NRG1: variants seen among roughly 807,000 people sequenced by gnomAD.
NRG1 encodes the protein neuregulin 1.
A neutral mutation model predicts 63.8 loss-of-function variants in NRG1; 18 were observed. That is an observed-to-expected ratio of 0.28 (90% CI 0.19 to 0.42). The LOEUF is 0.42. Among genes scored for constraint, NRG1 ranks in the 10% least tolerant of loss-of-function variants. NRG1 has a pLI of 1.00. For missense variants in NRG1, 762 were observed against 814.7 expected (o/e 0.94, Z 0.79); for synonymous variants, 302 against 301.3 (o/e 1.00, Z -0.02).
At chr8:32,629,348 C>A (rs1341168704) in intron 5 of NRG1, among the ~76,000 whole-genome samples, 4 of 152,012 alleles carry the variant, frequency 2.6e-5, no homozygotes, top group African/African-American at 7.2e-5. Flanking sequence ...AGTTCCCACA[C>A]CAGAATGTAA....
At chr8:32,045,713 T>C (rs1003785596) in intron 1 of NRG1, among the ~76,000 whole-genome samples, 40 of 152,008 alleles carry the variant, frequency 2.6e-4, no homozygotes, top group African/African-American at 9.2e-4. Flanking sequence ...GCAGAAAGGG[T>C]AATGTTCTAA....
intron 1 of NRG1, among the ~76,000 whole-genome samples, chr8:31,791,421 A>G (rs1339159713): frequency 6.6e-6 from 1 of 152,108 alleles, no homozygotes; most frequent in Non-Finnish European, 1.5e-5. Context: ...TTAACACCAT[A>G]GGGAAATAGA....
At chr8:31,815,617 A>C (rs535129879) in intron 1 of NRG1, among the ~76,000 whole-genome samples, 1 of 152,168 alleles carries the variant, frequency 6.6e-6, no homozygotes, top group Non-Finnish European at 1.5e-5. Flanking sequence ...CCCGAAGTAG[A>C]TTGCTGCATC....
chr8:32,174,546 C>T (rs997692829), intron 1 of NRG1, among the ~76,000 whole-genome samples: 2 of 152,126 alleles, frequency 1.3e-5, no homozygotes, highest in Non-Finnish European at 2.9e-5. Context: ...AATCCAGGAG[C>T]TGGTTTTCTG....
chr8:32,620,723 G>A (rs187318825), intron 5 of NRG1, among the ~76,000 whole-genome samples: 18 of 152,088 alleles, frequency 1.2e-4, no homozygotes, highest in Admixed American at 1.2e-3. Flanking sequence ...TTGGGAGGCT[G>A]AGGTGGGAGG....
intron 1 of NRG1, among the ~76,000 whole-genome samples, chr8:32,538,006 C>T (rs1160941207): frequency 6.6e-6 from 1 of 152,110 alleles, no homozygotes; most frequent in East Asian, 1.9e-4. Flanking sequence ...CACGCGCCAC[C>T]ATGACCACCT....
At chr8:32,690,524 A>G (rs1811324040) in intron 5 of NRG1, among the ~76,000 whole-genome samples, 1 of 149,790 alleles carries the variant, frequency 6.7e-6, no homozygotes, top group East Asian at 2.0e-4. Flanking sequence ...TTCCCAGGGT[A>G]GTAGGTGGTA....
At chr8:31,978,512 T>C (rs1332497853) in intron 1 of NRG1, among the ~76,000 whole-genome samples, 2 of 152,130 alleles carry the variant, frequency 1.3e-5, no homozygotes, top group Non-Finnish European at 2.9e-5. Context: ...TTCATGTCTT[T>C]CTACTTTTAC....
chr8:31,788,660 A>T (rs16878286), intron 1 of NRG1, among the ~76,000 whole-genome samples: 23,792 of 152,214 alleles, frequency 0.16, 2,160 homozygotes, highest in East Asian at 0.2. Flanking sequence ...TTGTTGAGCA[A>T]TAAACAGTAT....
rs1487270945 is a variant in NRG1 at position 32,742,247 on chromosome 8, G to A, written c.633-428G>A. On this transcript the variant is annotated intron_variant, in intron 6 of 11. Coordinates refer to ENST00000356819, the Ensembl canonical transcript of NRG1. This position sits in a 1 kb window ranked among gnomAD's most constrained non-coding sequence, Gnocchi z 4.2. ...CCTTATTTAACTGTCTCTCAAAGTG[G>A]GTCCCTAAGTCATCAATTTACAAGA... 6.6e-6 allele frequency among the ~76,000 whole-genome samples: 1 copy of A among 151,906 alleles called. No individual in the cohort carries two copies. The highest frequency in any genetic ancestry group is 2.4e-5 in the African/African-American group (1 of 41,330).
intron 1 of NRG1, among the ~76,000 whole-genome samples, chr8:32,089,693 A>G (rs1828812338): frequency 6.6e-6 from 1 of 152,214 alleles, no homozygotes; most frequent in South Asian, 2.1e-4. Flanking sequence ...GAGTATCAGC[A>G]GCAAAGTGAC....
chr8:32,735,433 AC>A (rs1824770113), intron 6 of NRG1, among the ~76,000 whole-genome samples: 5 of 152,216 alleles, frequency 3.3e-5, no homozygotes, highest in Admixed American at 3.3e-4. Flanking sequence ...GAAAACGAAT[AC>A]ACAATTTTGA....
intron 1 of NRG1, among the ~76,000 whole-genome samples, chr8:31,778,373 A>G (rs1819358011): frequency 6.6e-6 from 1 of 152,108 alleles, no homozygotes; most frequent in South Asian, 2.1e-4. Flanking sequence ...CATTCCTTAT[A>G]TATACCAGGC....
intron 5 of NRG1, chr8:32,647,965 C>T: frequency 6.2e-7 from 1 of 1,614,200 alleles, no homozygotes; most frequent in Non-Finnish European, 8.5e-7. Flanking sequence ...CCCATCCTGG[C>T]TTGCCTGGTC....
rs573318520 is a variant in NRG1 at position 32,214,734 on chromosome 8, G to T, written c.38-381094G>T. The stretch of plus-strand genomic sequence containing the variant: ...ATCAGAAAATGAGTGGTTGATCTTA[G>T]TTCAATTAAAGAAAACAAAACAAAC... On this transcript the variant is annotated intron_variant, in intron 1 of 10. Coordinates refer to the NRG1 transcript ENST00000519301. Among the ~76,000 whole-genome samples, 3 of 152,232 alleles carry T rather than the reference G, an allele frequency of 2.0e-5. No individual in the cohort carries two copies. The East Asian group carries it at 5.8e-4, about 29-fold the overall frequency.
At chr8:32,102,223 G>A (rs13279784) in intron 1 of NRG1, among the ~76,000 whole-genome samples, 34,044 of 151,982 alleles carry the variant, frequency 0.22, 4,502 homozygotes, top group East Asian at 0.5. Context: ...TTGTAGCCTC[G>A]ACCTCTCAGG....
intron 1 of NRG1, among the ~76,000 whole-genome samples, chr8:31,979,317 T>G (rs965393369): frequency 6.6e-6 from 1 of 152,142 alleles, no homozygotes; most frequent in South Asian, 2.1e-4. Context: ...GTCTTCATTA[T>G]TCATTCTCTG....
At chr8:31,828,176 A>G (rs749140538) in intron 1 of NRG1, among the ~76,000 whole-genome samples, 2 of 152,222 alleles carry the variant, frequency 1.3e-5, no homozygotes, top group Non-Finnish European at 2.9e-5. Flanking sequence ...TTTTAAAATC[A>G]CATTGTCTGT....
intron 1 of NRG1, among the ~76,000 whole-genome samples, chr8:32,075,594 T>C (rs961019043): frequency 6.6e-6 from 1 of 152,226 alleles, no homozygotes; most frequent in Non-Finnish European, 1.5e-5. Flanking sequence ...GTGAATGCTA[T>C]GTAAATAGTT....
Sources: allele counts gnomAD v4.1 joint callset (sites outside exome capture counted in the v4.1 genomes callset), GRCh38; gene constraint gnomAD v4.1.1; non-coding constraint Gnocchi (gnomAD v3.1); transcripts MANE v1.5; gene names NCBI Gene and HGNC (gene_info 2026-07-23, HGNC 2026-07-21).